The following NPLOC4 variants were observed in gnomAD, a reference collection of about 807,000 sequenced individuals.
NPLOC4 encodes NPL4 homolog, ubiquitin recognition factor, also known as nuclear protein localization protein 4 homolog.
NPLOC4 carries 18 observed loss-of-function variants against 80.6 expected under a neutral mutation model. That is an observed-to-expected ratio of 0.22 (90% confidence interval 0.15 to 0.33). The LOEUF is 0.33. Ranked by LOEUF, NPLOC4 falls within the 10% of genes least tolerant of loss-of-function variation. The pLI is 1.00. For synonymous variants in NPLOC4, 313 were observed against 301.5 expected, an observed-to-expected ratio of 1.04 and a Z score of -0.39; for missense variants, 540 against 786.1, an observed-to-expected ratio of 0.69 and a Z score of 3.74.
In NPLOC4 at chr17:81,572,899, C is replaced by CAT. The variant is rs2034198448; in HGVS notation, c.1282-812_1282-811insAT. ...TAAAATAAAGGCATGCACAAATGAGCGCACACACAAATATGAAGACACGGG... is the reference window on the plus strand; with the variant it reads ...TAAAATAAAGGCATGCACAAATGAGCATGCACACACAAATATGAAGACACGGG... On this transcript the variant is annotated intron_variant, in intron 12 of 16. Coordinates refer to ENST00000331134, the MANE Select transcript of NPLOC4 (RefSeq NM_017921.4). The surrounding 1 kb of genome is among the most constrained non-coding windows in gnomAD (Gnocchi z 4.5). Among the ~76,000 whole-genome samples the CAT allele has an allele frequency of 6.6e-6, 1 of 152,150 alleles. No individual in the cohort carries two copies. The highest frequency in any genetic ancestry group is 2.4e-5 in the African/African-American group (1 of 41,420).
At chr17:81,563,811 C>G in intron 16 of NPLOC4, 1 of 383,616 alleles carries the variant, frequency 2.6e-6, no homozygotes, top group Non-Finnish European at 5.2e-6. Flanking sequence ...TTTGCAGCAA[C>G]ATGGATGCAG....
In NPLOC4 at chr17:81,558,197, T is replaced by A. The variant is rs1377978489; in HGVS notation, c.*1062A>T. 1 of 152,344 alleles carries A rather than the reference T, an allele frequency of 6.6e-6. No homozygotes were observed. The highest frequency in any genetic ancestry group is 2.4e-5 in the African/African-American group (1 of 41,464). The allele number at this position is 152,344 out of a possible 1,614,324, so 9.4% of individuals were successfully genotyped here. On this transcript the variant is annotated 3_prime_UTR_variant, in exon 17 of 17. Coordinates refer to ENST00000331134, the MANE Select transcript of NPLOC4 (RefSeq NM_017921.4). ...CTCCCTCTATTGGTACACTATCAAT[T>A]GTGCAGTGCCCCAGGGAGGTCCCAA...
At chr17:81,633,862 C>T (rs756551777) in intron 1 of NPLOC4, among the ~76,000 whole-genome samples, 1 of 141,706 alleles carries the variant, frequency 7.1e-6, no homozygotes, top group Non-Finnish European at 1.5e-5. Flanking sequence ...CCCGCCACCG[C>T]GCCCAGCTAA....
chr17:81,590,672 A>G (rs571411140), intron 11 of NPLOC4, among the ~76,000 whole-genome samples: 1 of 112,200 alleles, frequency 8.9e-6, no homozygotes, highest in Non-Finnish European at 1.9e-5. Context: ...GTTTTGGATG[A>G]AAAAAAACCC....
At position 81,559,101 on chromosome 17, in the gene NPLOC4, T is replaced by C. The variant is rs1310723514; in HGVS notation, c.*158A>G. The C allele has an allele frequency of 1.3e-6, 1 of 784,858 alleles. No homozygotes were observed. Among genetic ancestry groups the C allele is most frequent in the African/African-American group, 1.8e-5 (1 of 57,012 alleles). The allele number at this position is 784,858 out of a possible 1,614,324, so 48.6% of individuals were successfully genotyped here. On this transcript the variant is annotated 3_prime_UTR_variant, in exon 17 of 17. Transcript: ENST00000331134. ...GCCCGCTCTCCAGGGAGGAACGTGC[T>C]GAGAAGCTTCAGTGGGTCAGGGAGC...
Position 81,596,116 on chromosome 17 carries a change from C to A in NPLOC4, c.1120G>T (p.Gly374Cys). ...GSKFVTAVAT[G>C]GPDNQVHFEG... is the part of the protein sequence containing the mutation. ...ACAGTACATACTGTCCCTGTTATAC[C>A]TGTAGCCACTGCAGTAACAAACTTG... is the stretch of plus-strand genomic sequence containing the variant. Residue 374 changes from glycine to cysteine, a missense_variant and splice_region_variant, in exon 11 of 17, where the codon GGT becomes TGT. By Grantham distance (159) the Gly-to-Cys change is radical. Around this residue, in one of 6 missense-constraint regions of NPLOC4, gnomAD observed 251 missense variants for 377.5 expected, o/e 0.66. Transcript: ENST00000331134. 6.2e-7 allele frequency: 1 copy of A among 1,613,792 alleles called. No individual in the cohort carries two copies. The highest frequency in any genetic ancestry group is 8.5e-7 in the Non-Finnish European group (1 of 1,179,766).
At chr17:81,587,133 T>G (rs1026685370) in intron 12 of NPLOC4, among the ~76,000 whole-genome samples, 2 of 152,166 alleles carry the variant, frequency 1.3e-5, no homozygotes, top group African/African-American at 2.4e-5. Flanking sequence ...CAATTAAAAC[T>G]GATGCAGAAA....
At chr17:81,565,881 G>C (rs1165102178) in intron 15 of NPLOC4, among the ~76,000 whole-genome samples, 2 of 152,218 alleles carry the variant, frequency 1.3e-5, no homozygotes, top group East Asian at 3.8e-4. Context: ...CGGAGGATAG[G>C]AGCTCATGCC....
intron 2 of NPLOC4, among the ~76,000 whole-genome samples, chr17:81,628,089 G>A (rs907393462): frequency 2.0e-5 from 3 of 148,500 alleles, no homozygotes; most frequent in African/African-American, 7.5e-5. Context: ...GTGGGCGCCT[G>A]TAGTCCAGCT....
chr17:81,623,754 C>T (rs1193276264), intron 2 of NPLOC4, among the ~76,000 whole-genome samples: 12 of 148,740 alleles, frequency 8.1e-5, no homozygotes, highest in South Asian at 4.3e-4. Flanking sequence ...GCCGAGATCG[C>T]GCCACTGCAC....
At chr17:81,584,441 A>G (rs2034521907) in intron 12 of NPLOC4, among the ~76,000 whole-genome samples, 3 of 152,236 alleles carry the variant, frequency 2.0e-5, no homozygotes, top group Non-Finnish European at 2.9e-5. Flanking sequence ...CCAATTTCCA[A>G]TCTGAAAAGG....
chr17:81,593,622 G>A (rs529460860), intron 11 of NPLOC4, among the ~76,000 whole-genome samples: 2 of 151,972 alleles, frequency 1.3e-5, no homozygotes. Context: ...GATAGGCTTG[G>A]AAACTACCAG....
Position 81,629,781 on chromosome 17 carries a change from C to T in NPLOC4, c.40G>A (p.Gly14Arg), listed in dbSNP as rs1260361212. 2 of 1,613,760 alleles carry T rather than the reference C, an allele frequency of 1.2e-6. No homozygotes were observed. The change falls in exon 2 of 17, where the codon GGA (glycine) becomes AGA (arginine). Residue 14 changes from glycine (G) to arginine (R), a missense_variant. By Grantham distance (125) the Gly-to-Arg change is moderately radical (BLOSUM62 -2). Coordinates refer to ENST00000331134, the MANE Select transcript of NPLOC4 (RefSeq NM_017921.4). Reference sequence around the variant, plus strand: ...TTTGTTGCTGTGATCCGCTTCACTCCATCCGGGGACTGGACACGAATTATC... The same window carrying T: ...TTTGTTGCTGTGATCCGCTTCACTCTATCCGGGGACTGGACACGAATTATC... The part of the protein sequence containing the change: ...SIIIRVQSPD[G>R]VKRITATKRE...
intron 7 of NPLOC4, among the ~76,000 whole-genome samples, chr17:81,605,740 T>C (rs1300768377): frequency 1.3e-5 from 2 of 151,978 alleles, no homozygotes. Flanking sequence ...GTTTCATCTA[T>C]CAATAAATTC....
In NPLOC4 at chr17:81,569,099, A is replaced by G; in HGVS notation, c.1366T>C (p.Phe456Leu). The part of the protein sequence containing the change: ...EYLIIDITTT[F>L]PKDPVYTFSI... Reference sequence around the variant, plus strand: ...AAAGTGTAAACTGGATCCTTGGGGAAAGTTGTTGTGATCTAATGAAGAAAA... The same window carrying G: ...AAAGTGTAAACTGGATCCTTGGGGAGAGTTGTTGTGATCTAATGAAGAAAA... The change falls in exon 14 of 17, where the codon TTC becomes CTC. Residue 456 changes from phenylalanine to leucine, a missense_variant. Coordinates refer to ENST00000331134, the MANE Select transcript of NPLOC4 (RefSeq NM_017921.4). The G allele has an allele frequency of 6.2e-7, 1 of 1,611,444 alleles. No individual in the cohort carries two copies. Among genetic ancestry groups the G allele is most frequent in the Non-Finnish European group, 8.5e-7 (1 of 1,177,640 alleles).
chr17:81,559,727 C>T (rs75859807), intron 16 of NPLOC4, among the ~76,000 whole-genome samples: 6 of 95,704 alleles, frequency 6.3e-5, no homozygotes, highest in Middle Eastern at 6.3e-3. Flanking sequence ...TTGTTTCCAG[C>T]TTTTTTTTTT....
intron 3 of NPLOC4, among the ~76,000 whole-genome samples, chr17:81,619,702 A>C (rs1322394780): frequency 6.6e-6 from 1 of 151,846 alleles, no homozygotes; most frequent in Non-Finnish European, 1.5e-5. Context: ...AACACGGTGA[A>C]ACCCTGTCTC....
intron 12 of NPLOC4, among the ~76,000 whole-genome samples, chr17:81,584,992 A>G (rs1310043697): frequency 6.6e-6 from 1 of 151,872 alleles, no homozygotes; most frequent in Non-Finnish European, 1.5e-5. Context: ...CAACATGGTG[A>G]AACCCTGTCT....
chr17:81,597,356 A>G (rs781440103), intron 9 of NPLOC4, 40 bp from the exon 10 acceptor site: 1 of 1,512,956 alleles, frequency 6.6e-7, no homozygotes, highest in Non-Finnish European at 9.2e-7. Context: ...TCTCCTCAAG[A>G]TAGACGATGA....
Sources: allele counts gnomAD v4.1 joint callset (sites outside exome capture counted in the v4.1 genomes callset), GRCh38; gene constraint gnomAD v4.1.1; regional missense constraint gnomAD v4.1.1; non-coding constraint Gnocchi (gnomAD v3.1); transcripts MANE v1.5; gene names NCBI Gene and HGNC (gene_info 2026-07-23, HGNC 2026-07-21).